PRKN: variants seen among roughly 807,000 people sequenced by gnomAD.
The protein encoded by PRKN is parkin RBR E3 ubiquitin protein ligase.
PRKN carries 56 observed loss-of-function variants against 59.5 expected under a neutral mutation model. The observed-to-expected ratio is 0.94, with a 90% CI of 0.76 to 1.18. The LOEUF is 1.18. Among genes scored for constraint, PRKN ranks in the 50% most tolerant of loss-of-function variants. The pLI, the probability that PRKN is intolerant of heterozygous loss-of-function variation, is 0.00. For synonymous variants in PRKN, 250 were observed against 222.1 expected, an observed-to-expected ratio of 1.13 and a Z score of -1.12; for missense variants, 657 against 596.4, an observed-to-expected ratio of 1.10 and a Z score of -1.06.
intron 5 of PRKN, among the ~76,000 whole-genome samples, chr6:161,997,223 C>T (rs1781881199): frequency 1.3e-5 from 2 of 152,008 alleles, no homozygotes; most frequent in Admixed American, 6.6e-5. Context: ...AATATAGTGA[C>T]TTCTGCGAAA....
intron 1 of PRKN, among the ~76,000 whole-genome samples, chr6:162,543,697 T>C (rs1253551723): frequency 1.3e-5 from 2 of 152,156 alleles, no homozygotes; most frequent in African/African-American, 4.8e-5. Context: ...ACCATTATTA[T>C]ACCTGTACTT....
chr6:162,231,437 T>A (rs996383138), intron 3 of PRKN, among the ~76,000 whole-genome samples: 1 of 152,094 alleles, frequency 6.6e-6, no homozygotes, highest in African/African-American at 2.4e-5. Flanking sequence ...TGGGAAAAAA[T>A]TTAACAGTGG....
chr6:161,741,592 G>T (rs1352328994), intron 7 of PRKN, among the ~76,000 whole-genome samples: 2 of 152,288 alleles, frequency 1.3e-5, no homozygotes, highest in African/African-American at 2.4e-5. Context: ...TGACCTGGGA[G>T]AAATGCTTGT....
chr6:162,229,574 C>A (rs1778330047), intron 3 of PRKN, among the ~76,000 whole-genome samples: 1 of 152,198 alleles, frequency 6.6e-6, no homozygotes, highest in Non-Finnish European at 1.5e-5. Flanking sequence ...TATGCATATT[C>A]TTTACACACA....
At chr6:162,172,289 GC>G in intron 4 of PRKN, among the ~76,000 whole-genome samples, 1 of 152,308 alleles carries the variant, frequency 6.6e-6, no homozygotes, top group African/African-American at 2.4e-5. Context: ...GGGAGATGGG[GC>G]AGATATTAAG....
At chr6:161,628,851 T>G (rs1225598973) in intron 7 of PRKN, among the ~76,000 whole-genome samples, 1 of 152,158 alleles carries the variant, frequency 6.6e-6, no homozygotes, top group Non-Finnish European at 1.5e-5. Context: ...AGGAAGCCAA[T>G]GAGAGTGTAC....
chr6:161,919,465 G>A (rs1778697986), intron 6 of PRKN, among the ~76,000 whole-genome samples: 1 of 152,104 alleles, frequency 6.6e-6, no homozygotes, highest in Non-Finnish European at 1.5e-5. Context: ...AGAAATGATC[G>A]AACTGGACAT....
rs567681250 is a variant in PRKN, at chr6:162,165,061, C to T, written c.534+36070G>A. On this transcript the variant is annotated intron_variant, in intron 4 of 11. Coordinates refer to ENST00000366898, the MANE Select transcript of PRKN (RefSeq NM_004562.3). ...AATTTAGGGCTCAGAAATAGACCTACACATACATGACATGGTCATTTGATT... is the reference window on the plus strand; with the variant it reads ...AATTTAGGGCTCAGAAATAGACCTATACATACATGACATGGTCATTTGATT... Among the ~76,000 whole-genome samples the T allele has an allele frequency of 2.7e-5, 4 of 148,912 alleles. No individual in the cohort carries two copies. The South Asian group carries it at 8.4e-4, about 31-fold the overall frequency.
At position 162,355,411 on chromosome 6, in the gene PRKN, A is replaced by ATCTATCTATCTATC. The variant is rs1562696425; in HGVS notation, c.171+87898_171+87899insGATAGATAGATAGA. Among the ~76,000 whole-genome samples the ATCTATCTATCTATC allele has an allele frequency of 8.4e-3, 1,207 of 144,024 alleles. 17 individuals carry two copies. The highest frequency in any genetic ancestry group is 0.034 in the African/African-American group (1,145 of 34,078). 94.5% of individuals were successfully genotyped at this position (144,024 alleles called of 152,430 possible). A position where few individuals can be genotyped will look rare whatever the true frequency, so the allele number is the denominator to read the frequency against. ...GTAATCTATCTATCTATCTATCTATATATATATAACAATTTAGTTTTTCAT... is the reference window on the plus strand; with the variant it reads ...GTAATCTATCTATCTATCTATCTATATCTATCTATCTATCTATATATAACAATTTAGTTTTTCAT... On this transcript the variant is annotated intron_variant, in intron 2 of 11. Transcript: ENST00000366898.
intron 5 of PRKN, among the ~76,000 whole-genome samples, chr6:161,998,308 T>C (rs950108357): frequency 2.6e-5 from 4 of 152,158 alleles, no homozygotes; most frequent in East Asian, 1.9e-4. Flanking sequence ...ATTCGTGCTA[T>C]GATGGTTGCC....
chr6:162,220,218 T>C (rs1777868940), intron 3 of PRKN, among the ~76,000 whole-genome samples: 1 of 152,076 alleles, frequency 6.6e-6, no homozygotes, highest in Non-Finnish European at 1.5e-5. Flanking sequence ...CTTCAAACTA[T>C]AAAAATCCTA....
At chr6:162,286,820 T>C (rs889401490) in intron 2 of PRKN, among the ~76,000 whole-genome samples, 3 of 152,150 alleles carry the variant, frequency 2.0e-5, no homozygotes, top group Non-Finnish European at 4.4e-5. Context: ...TAACGACTCC[T>C]TGAAATAAGA....
chr6:162,237,845 G>A (rs568280404), intron 3 of PRKN, among the ~76,000 whole-genome samples: 27 of 151,684 alleles, frequency 1.8e-4, no homozygotes, highest in African/African-American at 5.3e-4. Context: ...TCCCAGATAC[G>A]TACTGGCCAT....
At chr6:162,436,984 C>T (rs960663741) in intron 2 of PRKN, among the ~76,000 whole-genome samples, 3 of 151,958 alleles carry the variant, frequency 2.0e-5, no homozygotes, top group African/African-American at 7.2e-5. Context: ...CCCAGCTACT[C>T]GGGAGGCTGA....
At chr6:161,993,900 G>A (rs1243182211) in intron 5 of PRKN, among the ~76,000 whole-genome samples, 1 of 152,120 alleles carries the variant, frequency 6.6e-6, no homozygotes, top group African/African-American at 2.4e-5. Flanking sequence ...GAAGGTGCCA[G>A]GCTCTTTTTT....
intron 2 of PRKN, among the ~76,000 whole-genome samples, chr6:162,376,679 G>A (rs540647728): frequency 1.4e-5 from 2 of 145,516 alleles, no homozygotes; most frequent in Admixed American, 7.0e-5. Context: ...AAGTAGTGCC[G>A]AAACCAAGAA....
At chr6:161,587,867 T>C (rs977468973) in intron 7 of PRKN, among the ~76,000 whole-genome samples, 2 of 152,290 alleles carry the variant, frequency 1.3e-5, no homozygotes, top group Middle Eastern at 3.4e-3. Context: ...TGGATTCTAG[T>C]AACATCACCT....
At chr6:161,998,133 T>A (rs1354194995) in intron 5 of PRKN, among the ~76,000 whole-genome samples, 1 of 152,120 alleles carries the variant, frequency 6.6e-6, no homozygotes, top group East Asian at 1.9e-4. Context: ...TTATAGGGAT[T>A]TTTGGGAAGT....
At chr6:162,604,351 C>A (rs1467049440) in intron 1 of PRKN, among the ~76,000 whole-genome samples, 1 of 152,148 alleles carries the variant, frequency 6.6e-6, no homozygotes, top group African/African-American at 2.4e-5. Flanking sequence ...TGAATGAAAA[C>A]CATCCAAGTC....
Sources: allele counts gnomAD v4.1 joint callset (sites outside exome capture counted in the v4.1 genomes callset), GRCh38; gene constraint gnomAD v4.1.1; transcripts MANE v1.5; gene names NCBI Gene and HGNC (gene_info 2026-07-23, HGNC 2026-07-21).